The following TENM2 variants were observed in gnomAD, a reference collection of about 807,000 sequenced individuals.
TENM2 encodes the protein teneurin transmembrane protein 2, also known as teneurin-2.
Under a neutral mutation model 245.2 loss-of-function variants are expected in TENM2, and 52 were observed. The observed-to-expected ratio is 0.21, with a 90% CI of 0.17 to 0.27. TENM2 has a LOEUF of 0.27. Ranked by LOEUF, TENM2 falls within the 10% of genes least tolerant of loss-of-function variation. The pLI is 1.00. For missense variants in TENM2, 3,046 were observed against 3,666.8 expected (o/e 0.83, Z 4.37); for synonymous variants, 1,363 against 1,438.9 (o/e 0.95, Z 1.19).
intron 7 of TENM2, among the ~76,000 whole-genome samples, chr5:168,086,587 C>T (rs934125743): frequency 3.9e-5 from 6 of 152,110 alleles, no homozygotes; most frequent in African/African-American, 9.7e-5. Flanking sequence ...AACTTCCTCC[C>T]GCAGCCAGCC....
At chr5:166,996,557 T>C in the TENM2 span, among the ~76,000 whole-genome samples, 4 of 152,218 alleles carry the variant, frequency 2.6e-5, no homozygotes, top group African/African-American at 9.6e-5. Flanking sequence ...GTCTACTATT[T>C]GGCCCTTTAC....
Position 168,218,082 on chromosome 5 carries a change from A to G in TENM2, c.4234-43A>G. 1.9e-6 allele frequency: 3 copies of G among 1,580,838 alleles called. No homozygotes were observed. The highest frequency in any genetic ancestry group is 2.6e-6 in the Non-Finnish European group (3 of 1,160,096). ...AGTGCCGTACGGTTAAACGTTGGACATATTAAAGGCTGTTCTTTAATCTGA... is the reference window on the plus strand; with the variant it reads ...AGTGCCGTACGGTTAAACGTTGGACGTATTAAAGGCTGTTCTTTAATCTGA... On this transcript the variant is annotated intron_variant, in intron 22 of 28. Coordinates refer to ENST00000518659, the Ensembl canonical transcript of TENM2. This position sits in a 1 kb window ranked among gnomAD's most constrained non-coding sequence, Gnocchi z 5.2.
chr5:168,095,304 A>G (rs1349315194), intron 8 of TENM2, among the ~76,000 whole-genome samples: 3 of 152,030 alleles, frequency 2.0e-5, no homozygotes. Flanking sequence ...AAACTCAACT[A>G]ATGTCACACC....
chr5:167,562,957 C>CAAAAAAAAAAAA (rs58779751), intron 2 of TENM2, among the ~76,000 whole-genome samples: 1 of 77,588 alleles, frequency 1.3e-5, no homozygotes, highest in Non-Finnish European at 2.9e-5. Context: ...AATTCTGTCT[C>CAAAAAAAAAAAA]AAAAAAAAAA....
chr5:167,693,056 C>T (rs371207511), intron 2 of TENM2, among the ~76,000 whole-genome samples: 12 of 152,292 alleles, frequency 7.9e-5, no homozygotes, highest in African/African-American at 2.2e-4. Context: ...ATAGCCTTTG[C>T]GAGAGCCTCG....
chr5:167,141,446 T>G, the TENM2 span, among the ~76,000 whole-genome samples: 184 of 152,324 alleles, frequency 1.2e-3, 1 homozygote, highest in African/African-American at 4.3e-3. Flanking sequence ...AGGGTAATTA[T>G]GCACTGAGTA....
intron 1 of TENM2, among the ~76,000 whole-genome samples, chr5:167,352,414 TA>T (rs1758975861): frequency 6.6e-6 from 1 of 152,240 alleles, no homozygotes; most frequent in Non-Finnish European, 1.5e-5. Context: ...AGATAATTAT[TA>T]AAAACTTATG....
intron 2 of TENM2, among the ~76,000 whole-genome samples, chr5:167,658,488 A>G (rs1754996117): frequency 6.6e-6 from 1 of 152,062 alleles, no homozygotes; most frequent in Non-Finnish European, 1.5e-5. Context: ...AGCCTCTTTT[A>G]TCAAGATCTT....
At chr5:167,092,311 G>A in the TENM2 span, among the ~76,000 whole-genome samples, 2 of 151,940 alleles carry the variant, frequency 1.3e-5, no homozygotes. Context: ...TTAAGGCTAC[G>A]TCGGCAGAGT....
intron 2 of TENM2, among the ~76,000 whole-genome samples, chr5:167,590,998 T>G (rs1775840031): frequency 6.6e-6 from 1 of 152,228 alleles, no homozygotes; most frequent in South Asian, 2.1e-4. Context: ...GAAATGTAAC[T>G]GCACAAAGTA....
intron 2 of TENM2, among the ~76,000 whole-genome samples, chr5:167,545,294 A>C (rs1443950448): frequency 6.6e-6 from 1 of 152,160 alleles, no homozygotes; most frequent in African/African-American, 2.4e-5. Context: ...ACTGCTTAAC[A>C]CATATTTGTA....
intron 3 of TENM2, among the ~76,000 whole-genome samples, chr5:167,911,004 G>C (rs1296402182): frequency 6.6e-6 from 1 of 151,972 alleles, no homozygotes. Flanking sequence ...TCAAAAACCT[G>C]TTATTAAGAG....
At chr5:167,774,978 A>G (rs1040421398) in intron 2 of TENM2, among the ~76,000 whole-genome samples, 8 of 151,506 alleles carry the variant, frequency 5.3e-5, no homozygotes, top group Non-Finnish European at 1.2e-4. Context: ...TTTTATTTTT[A>G]TTGTTTTTGA....
At chr5:167,554,324 T>G (rs942113223) in intron 2 of TENM2, among the ~76,000 whole-genome samples, 2 of 152,222 alleles carry the variant, frequency 1.3e-5, no homozygotes, top group Non-Finnish European at 2.9e-5. Context: ...CCAGACTCCT[T>G]GGAAAGACTT....
Position 168,218,310 on chromosome 5 carries a change from C to A in TENM2, c.4419C>A (p.Ala1473=). The A allele has an allele frequency of 6.2e-7, 1 of 1,613,966 alleles. No homozygotes were observed. The highest frequency in any genetic ancestry group is 8.5e-7 in the Non-Finnish European group (1 of 1,179,890). The stretch of plus-strand genomic sequence containing the variant: ...TCAGCAAACTAGCCATTCACTCTGC[C>A]CTGGAGTCAGCCAGTGCCATTGCCA... Residue 1473 remains alanine, a synonymous_variant, in exon 23 of 29, where the codon GCC becomes GCA. Transcript: ENST00000518659. This position sits in a 1 kb window ranked among gnomAD's most constrained non-coding sequence, Gnocchi z 5.2.
intron 4 of TENM2, among the ~76,000 whole-genome samples, chr5:167,990,438 G>A (rs949859844): frequency 6.6e-6 from 1 of 152,180 alleles, no homozygotes; most frequent in South Asian, 2.1e-4. Flanking sequence ...TAGGATTAGT[G>A]ATGCTTTTCC....
chr5:167,776,593 G>GGAA (rs1437587032), intron 2 of TENM2, among the ~76,000 whole-genome samples: 573 of 36,052 alleles, frequency 0.016, 83 homozygotes, highest in African/African-American at 0.048. Flanking sequence ...GACCCTGTCT[G>GGAA]AAAAAAAAAA....
chr5:167,064,893 G>A, the TENM2 span, among the ~76,000 whole-genome samples: 1 of 152,190 alleles, frequency 6.6e-6, no homozygotes, highest in Admixed American at 6.5e-5. Flanking sequence ...AATTAATTAG[G>A]GGGAGAGTAA....
At chr5:167,876,031 C>T (rs1392136810) in exon 3 of TENM2, 5 of 1,551,568 alleles carry the variant, frequency 3.2e-6, no homozygotes, top group Admixed American at 2.0e-5. Flanking sequence ...CTCCCATCTG[C>T]TCAGCTGCCT....
Sources: allele counts gnomAD v4.1 joint callset (sites outside exome capture counted in the v4.1 genomes callset), GRCh38; gene constraint gnomAD v4.1.1; non-coding constraint Gnocchi (gnomAD v3.1); transcripts MANE v1.5; gene names NCBI Gene and HGNC (gene_info 2026-07-23, HGNC 2026-07-21).